CHURC1: variants seen among roughly 807,000 people sequenced by gnomAD.
The protein encoded by CHURC1 is churchill domain containing 1, also known as protein Churchill.
CHURC1 carries 12 observed loss-of-function variants against 15.4 expected under a neutral mutation model. The observed-to-expected ratio is 0.78, with a 90% CI of 0.50 to 1.27. CHURC1 has a LOEUF of 1.27. Among genes scored for constraint, CHURC1 ranks in the 50% most tolerant of loss-of-function variants. The probability of loss-of-function intolerance (pLI) is 0.00; values close to 1 mark genes in which losing one functional copy is unlikely to be tolerated. For synonymous variants in CHURC1, 42 were observed against 47.5 expected, an observed-to-expected ratio of 0.88 and a Z score of 0.48; for missense variants, 132 against 137.8, an observed-to-expected ratio of 0.96 and a Z score of 0.21.
At chr14:64,931,679 G>A (rs2139920540) in intron 3 of CHURC1, among the ~76,000 whole-genome samples, 1 of 152,272 alleles carries the variant, frequency 6.6e-6, no homozygotes, top group East Asian at 1.9e-4. Context: ...TGAAAATGAG[G>A]CAGGACATAC....
Position 64,932,231 on chromosome 14 carries a change from G to A in CHURC1, c.*1G>A, listed in dbSNP as rs138406795. ...CCGACAAATGACTCTCTTATTCTAA[G>A]GATCCTTCTACAGATCTGTTATAAC... On this transcript the variant is annotated 3_prime_UTR_variant, in exon 4 of 4. Coordinates refer to ENST00000549115, the MANE Select transcript of CHURC1 (RefSeq NM_001386928.1). 57 of 1,613,482 alleles carry A rather than the reference G, an allele frequency of 3.5e-5. No homozygotes were observed. Among genetic ancestry groups the A allele is most frequent in the Non-Finnish European group, 4.7e-5 (55 of 1,179,698 alleles).
chr14:64,924,293 A>G (rs1884529098), intron 2 of CHURC1, 167 bp downstream of exon 2: 1 of 739,488 alleles, frequency 1.4e-6, no homozygotes, highest in African/African-American at 1.8e-5. Context: ...TTTATCTGGG[A>G]TATCAAATAG....
intron 1 of CHURC1, among the ~76,000 whole-genome samples, chr14:64,922,201 G>A (rs1884352890): frequency 3.9e-5 from 6 of 151,932 alleles, no homozygotes; most frequent in Admixed American, 3.9e-4. Flanking sequence ...TATATACATT[G>A]GTTAAAAGTC....
chr14:64,930,036 A>G (rs1427208636), intron 3 of CHURC1, among the ~76,000 whole-genome samples: 1 of 151,644 alleles, frequency 6.6e-6, no homozygotes, highest in East Asian at 1.9e-4. Flanking sequence ...CCAGGGAAGG[A>G]GAAGACTTGG....
At chr14:64,917,843 C>T (rs531957861) in intron 1 of CHURC1, among the ~76,000 whole-genome samples, 2 of 152,172 alleles carry the variant, frequency 1.3e-5, no homozygotes, top group African/African-American at 4.8e-5. Flanking sequence ...TTGGAAGTAT[C>T]ATTACAGAAA....
rs1594910798 is a variant in CHURC1 at position 64,934,963 on chromosome 14, T to C, written c.*2733T>C. ...TATTTTATCATTTTCTAGATTCTTA[T>C]GTGGATCTAATAACGACCACTTGAA... On this transcript the variant is annotated 3_prime_UTR_variant, in exon 4 of 4. Transcript: ENST00000549115. 1.0e-5 allele frequency: 10 copies of C among 984,568 alleles called. No individual in the cohort carries two copies. Among genetic ancestry groups the C allele is most frequent in the Admixed American group, 6.1e-5 (1 of 16,268 alleles). 61.0% of individuals were successfully genotyped at this position (984,568 alleles called of 1,614,324 possible).
At position 64,914,455 on chromosome 14, in the gene CHURC1, C is replaced by T. The variant is rs1883711942; in HGVS notation, c.-41C>T. ...CTCAGTTCTCGCGAGGTTTCGTCTTCCCGGAAGCGTTGGAGGACATTCCCT... is the reference window on the plus strand; with the variant it reads ...CTCAGTTCTCGCGAGGTTTCGTCTTTCCGGAAGCGTTGGAGGACATTCCCT... On this transcript the variant is annotated 5_prime_UTR_variant, in exon 1 of 4. Coordinates refer to ENST00000549115, the MANE Select transcript of CHURC1 (RefSeq NM_001386928.1). 4 of 1,614,260 alleles carry T rather than the reference C, an allele frequency of 2.5e-6. No homozygotes were observed. In the South Asian group the frequency reaches 3.3e-5, roughly 13 times the overall value.
intron 3 of CHURC1, among the ~76,000 whole-genome samples, chr14:64,927,452 C>T (rs924269998): frequency 5.3e-5 from 8 of 152,224 alleles, no homozygotes; most frequent in Middle Eastern, 3.4e-3. Context: ...CTGAATTTCA[C>T]GTGAGTTATG....
At chr14:64,924,532 T>TAA (rs1884548735) in intron 2 of CHURC1, 1 of 152,534 alleles carries the variant, frequency 6.6e-6, no homozygotes, top group African/African-American at 2.4e-5. Flanking sequence ...TTAAAGTGTT[T>TAA]AGGGCTGCTT....
At chr14:64,925,587 C>T (rs1443825382) in intron 2 of CHURC1, among the ~76,000 whole-genome samples, 4 of 149,288 alleles carry the variant, frequency 2.7e-5, no homozygotes, top group African/African-American at 1.0e-4. Context: ...CTCCCAGCTA[C>T]TCAGGAGGCT....
intron 1 of CHURC1, among the ~76,000 whole-genome samples, chr14:64,914,826 C>T (rs1461788556): frequency 6.6e-6 from 1 of 152,254 alleles, no homozygotes; most frequent in Non-Finnish European, 1.5e-5. Context: ...ACTCCCCCAC[C>T]CCCACTTCCG....
chr14:64,923,951 G>T, intron 1 of CHURC1, 40 bp from the exon 2 acceptor site: 2 of 1,478,250 alleles, frequency 1.4e-6, no homozygotes, highest in South Asian at 1.5e-5. Flanking sequence ...TAAAGATTTT[G>T]AAATGTAAAG....
intron 3 of CHURC1, among the ~76,000 whole-genome samples, chr14:64,926,856 A>G (rs1256187205): frequency 1.3e-5 from 2 of 152,240 alleles, no homozygotes; most frequent in South Asian, 2.1e-4. Context: ...GAAGGTTGAT[A>G]TAGGCCTGTA....
In CHURC1 at chr14:64,932,206, C is replaced by T. The variant is rs375638413; in HGVS notation, c.315C>T (p.Pro105=). The change falls in exon 4 of 4, where the codon CCC becomes CCT. Residue 105 remains proline (P), a synonymous_variant. Transcript: ENST00000549115. Reference sequence around the variant, plus strand: ...CTATCAGTATTCTCCCTGATGACCCCCGACAAATGACTCTCTTATTCTAAG... The same window carrying T: ...CTATCAGTATTCTCCCTGATGACCCTCGACAAATGACTCTCTTATTCTAAG... ...EDTISILPDD[P]RQMTLLF 5 of 1,614,036 alleles carry T rather than the reference C, an allele frequency of 3.1e-6. No homozygotes were observed. Among genetic ancestry groups the T allele is most frequent in the South Asian group, 2.2e-5 (2 of 91,060 alleles).
chr14:64,933,937 A>G lies in CHURC1; in HGVS notation c.*1707A>G, dbSNP rs1885208984. On this transcript the variant is annotated 3_prime_UTR_variant, in exon 4 of 4. Coordinates refer to ENST00000549115, the MANE Select transcript of CHURC1 (RefSeq NM_001386928.1). ...ATAAGGTAGGTGCTATTGATAGTTT[A>G]GCCATAACCAGATATGGCTTGTTAT... 2.0e-6 allele frequency: 2 copies of G among 985,436 alleles called. No homozygotes were observed. The highest frequency in any genetic ancestry group is 3.5e-5 in the African/African-American group (2 of 57,370). 61.0% of individuals were successfully genotyped at this position (985,436 alleles called of 1,614,324 possible). A position where few individuals can be genotyped will look rare whatever the true frequency, so the allele number is the denominator to read the frequency against.
chr14:64,934,339 C>T lies in CHURC1; in HGVS notation c.*2109C>T, dbSNP rs567688612. ...CTCCAGCCTGGGAGACAGAGCAAGA[C>T]TCCATCTCAAAAACAAAAACAAAAC... On this transcript the variant is annotated 3_prime_UTR_variant, in exon 4 of 4. Coordinates refer to ENST00000549115, the MANE Select transcript of CHURC1 (RefSeq NM_001386928.1). The T allele has an allele frequency of 7.6e-6, 6 of 785,290 alleles. No homozygotes were observed. The South Asian group carries it at 3.5e-4, about 45-fold the overall frequency. The allele number at this position is 785,290 out of a possible 1,614,324, so 48.6% of individuals were successfully genotyped here. A position where few individuals can be genotyped will look rare whatever the true frequency, so the allele number is the denominator to read the frequency against.
intron 1 of CHURC1, 66 bp from the exon 2 acceptor site, chr14:64,923,925 T>G: frequency 1.4e-6 from 2 of 1,414,216 alleles, no homozygotes; most frequent in Admixed American, 2.6e-5. Flanking sequence ...ATTTTAAGTC[T>G]GTTAATCATC....
At chr14:64,915,680 T>C (rs149050429) in intron 1 of CHURC1, among the ~76,000 whole-genome samples, 5,419 of 152,310 alleles carry the variant, frequency 0.036, 129 homozygotes, top group Middle Eastern at 0.099. Flanking sequence ...TCTCCTGTAG[T>C]ACAACTACTT....
chr14:64,914,819 C>G (rs1177671824), intron 1 of CHURC1, among the ~76,000 whole-genome samples: 1 of 152,172 alleles, frequency 6.6e-6, no homozygotes, highest in Non-Finnish European at 1.5e-5. Flanking sequence ...CCGAGGGACT[C>G]CCCCACCCCC....
Sources: gnomAD v4.1 joint callset for allele counts (sites outside exome capture counted in the v4.1 genomes callset) on GRCh38, gnomAD v4.1.1 for gene constraint, MANE v1.5 for transcripts, NCBI Gene and HGNC (gene_info 2026-07-23, HGNC 2026-07-21) for gene names.